Variants in TNFAIP8L3 observed in about 807,000 individuals in gnomAD.
TNFAIP8L3 encodes the protein tumor necrosis factor alpha-induced protein 8-like protein 3.
In TNFAIP8L3, 7 loss-of-function variants were observed where a neutral mutation model predicts 11.8. The observed-to-expected ratio is 0.59, with a 90% CI of 0.34 to 1.11. The LOEUF is 1.11. TNFAIP8L3 is among the 50% of genes most tolerant of loss of function. The pLI is 0.03. For synonymous variants in TNFAIP8L3, 98 were observed against 103.8 expected (o/e 0.94, Z 0.34); for missense variants, 219 against 258.6 (o/e 0.85, Z 1.05).
intron 1 of TNFAIP8L3, among the ~76,000 whole-genome samples, chr15:51,067,963 A>G (rs938788339): frequency 1.3e-5 from 2 of 152,266 alleles, no homozygotes; most frequent in East Asian, 1.9e-4. Context: ...GGCCATCTAC[A>G]TTTCAAAAAT....
At chr15:51,087,629 T>C (rs1840207256) in intron 1 of TNFAIP8L3, among the ~76,000 whole-genome samples, 1 of 152,136 alleles carries the variant, frequency 6.6e-6, no homozygotes, top group African/African-American at 2.4e-5. Context: ...TAAAGCAATA[T>C]TGGACACCAC....
chr15:51,084,869 G>T (rs2065416029), intron 1 of TNFAIP8L3, among the ~76,000 whole-genome samples: 2 of 152,268 alleles, frequency 1.3e-5, no homozygotes, highest in East Asian at 3.9e-4. Context: ...TTCTAATAAA[G>T]TATTTTGTCA....
upstream of TNFAIP8L3, among the ~76,000 whole-genome samples, chr15:51,096,741 AT>A (rs1314424838): frequency 6.6e-6 from 1 of 152,026 alleles, no homozygotes; most frequent in African/African-American, 2.4e-5. Context: ...AAAACACAAA[AT>A]TAGCCAGGTG....
At chr15:51,099,811 C>T (rs1332006080), upstream of TNFAIP8L3, among the ~76,000 whole-genome samples, 1 of 152,156 alleles carries the variant, frequency 6.6e-6, no homozygotes, top group Non-Finnish European at 1.5e-5. Context: ...AAGACGGAAT[C>T]AAGACCCATG....
intron 1 of TNFAIP8L3, among the ~76,000 whole-genome samples, chr15:51,100,843 G>A (rs1355560195): frequency 6.6e-6 from 1 of 152,166 alleles, no homozygotes; most frequent in Non-Finnish European, 1.5e-5. Context: ...GCTGATGTGG[G>A]ACTAATGGAT....
intron 1 of TNFAIP8L3, among the ~76,000 whole-genome samples, chr15:51,090,166 T>G (rs1030216956): frequency 6.6e-6 from 1 of 152,232 alleles, no homozygotes; most frequent in African/African-American, 2.4e-5. Context: ...TGCATTTCCC[T>G]GCCTCCAGAG....
At chr15:51,059,409 A>AT (rs932922686) in intron 1 of TNFAIP8L3, among the ~76,000 whole-genome samples, 4 of 152,118 alleles carry the variant, frequency 2.6e-5, no homozygotes, top group Admixed American at 2.0e-4. Context: ...TTTATAGCGT[A>AT]TTTTTTTCTT....
chr15:51,066,777 G>C (rs1406053135), intron 1 of TNFAIP8L3, among the ~76,000 whole-genome samples: 1 of 152,182 alleles, frequency 6.6e-6, no homozygotes. Context: ...AAGTAGCTGT[G>C]GGGGCAGGAC....
At chr15:51,068,887 C>T (rs1294744716) in intron 1 of TNFAIP8L3, among the ~76,000 whole-genome samples, 5 of 151,988 alleles carry the variant, frequency 3.3e-5, no homozygotes, top group Admixed American at 2.0e-4. Context: ...AGGTTGGTCT[C>T]GAACTCCTGA....
intron 1 of TNFAIP8L3, chr15:51,069,659 A>C (rs1429257403): frequency 3.3e-5 from 5 of 152,240 alleles, no homozygotes; most frequent in Non-Finnish European, 7.3e-5. Flanking sequence ...CTGAGTACAG[A>C]TTACGCACAT....
intron 1 of TNFAIP8L3, among the ~76,000 whole-genome samples, chr15:51,072,815 C>G (rs1333836180): frequency 6.6e-6 from 1 of 151,930 alleles, no homozygotes; most frequent in South Asian, 2.1e-4. Flanking sequence ...ACCAAGTTTT[C>G]TTAATATAAC....
chr15:51,062,430 C>A (rs1287765674), intron 1 of TNFAIP8L3, among the ~76,000 whole-genome samples: 3 of 152,130 alleles, frequency 2.0e-5, no homozygotes, highest in Non-Finnish European at 4.4e-5. Flanking sequence ...ATCCACCATG[C>A]CTTGACCTTA....
chr15:51,099,723 C>T (rs1422972063), upstream of TNFAIP8L3, among the ~76,000 whole-genome samples: 1 of 152,190 alleles, frequency 6.6e-6, no homozygotes, highest in African/African-American at 2.4e-5. Flanking sequence ...TTGAGCTCTG[C>T]CCAGTGCCTT....
chr15:51,083,991 A>G (rs1595615684), intron 1 of TNFAIP8L3, among the ~76,000 whole-genome samples: 1 of 152,284 alleles, frequency 6.6e-6, no homozygotes, highest in Non-Finnish European at 1.5e-5. Flanking sequence ...GCAAATTACC[A>G]GCTGAAAGCT....
intron 1 of TNFAIP8L3, among the ~76,000 whole-genome samples, chr15:51,070,199 C>T (rs1410151912): frequency 6.6e-6 from 1 of 152,164 alleles, no homozygotes; most frequent in Admixed American, 6.5e-5. Context: ...CTTGTGAAGC[C>T]ACTGGGGGGT....
intron 1 of TNFAIP8L3, 104 bp from the exon 2 acceptor site, chr15:51,058,547 A>G: frequency 9.2e-7 from 1 of 1,086,476 alleles, no homozygotes; most frequent in Non-Finnish European, 1.3e-6. Flanking sequence ...CTTAGAGCAA[A>G]AACTCATGTC....
intron 1 of TNFAIP8L3, among the ~76,000 whole-genome samples, chr15:51,080,054 C>A (rs1178735985): frequency 6.6e-6 from 1 of 151,944 alleles, no homozygotes; most frequent in Non-Finnish European, 1.5e-5. Context: ...ACTGTTAATT[C>A]TTGATTTTAT....
rs571515066 is a variant in TNFAIP8L3 at position 51,094,696 on chromosome 15, C to G, written c.-101G>C. 3.8e-3 allele frequency: 2,244 copies of G among 597,858 alleles called. 56 individuals carry two copies. The African/African-American group carries it at 0.045, about 12-fold the overall frequency. The allele number at this position is 597,858 out of a possible 1,614,324, so 37.0% of individuals were successfully genotyped here. A position where few individuals can be genotyped will look rare whatever the true frequency, so the allele number is the denominator to read the frequency against. On this transcript the variant is annotated 5_prime_UTR_variant, in exon 1 of 2. Coordinates refer to ENST00000637513, the MANE Select transcript of TNFAIP8L3 (RefSeq NM_001311175.2). The surrounding 1 kb of genome is among the most constrained non-coding windows in gnomAD (Gnocchi z 4.4). ...GGCGGACAGCGGGGCGGCTGGAGCC[C>G]GGGCGGCGCGGGCGGCGCGGGCTGG...
chr15:51,076,847 C>T (rs1250777946), intron 1 of TNFAIP8L3, among the ~76,000 whole-genome samples: 1 of 152,184 alleles, frequency 6.6e-6, no homozygotes, highest in East Asian at 1.9e-4. Flanking sequence ...CTAGAAGATT[C>T]TGCTAATTTG....
Sources: allele counts gnomAD v4.1 joint callset (sites outside exome capture counted in the v4.1 genomes callset), GRCh38; gene constraint gnomAD v4.1.1; non-coding constraint Gnocchi (gnomAD v3.1); transcripts MANE v1.5; gene names NCBI Gene and HGNC (gene_info 2026-07-23, HGNC 2026-07-21).